Variants in GRM5 observed in about 807,000 individuals in gnomAD.
GRM5 encodes metabotropic glutamate receptor 5.
Under a neutral mutation model 83.1 loss-of-function variants are expected in GRM5, and 19 were observed. That is an observed-to-expected ratio of 0.23 (90% CI 0.16 to 0.34). The LOEUF (loss-of-function observed/expected upper bound fraction) is 0.34, where lower values mean the gene tolerates loss of function less well. GRM5 is among the 10% of genes least tolerant of loss of function. The pLI is 1.00. For synonymous variants in GRM5, 675 were observed against 633.6 expected, an observed-to-expected ratio of 1.07 and a Z score of -0.98; for missense variants, 1,160 against 1,588.3, an observed-to-expected ratio of 0.73 and a Z score of 4.58.
At chr11:88,831,331 C>T (rs1197226945) in intron 3 of GRM5, among the ~76,000 whole-genome samples, 1 of 152,198 alleles carries the variant, frequency 6.6e-6, no homozygotes, top group Admixed American at 6.5e-5. Flanking sequence ...TGAAGAAAGG[C>T]TATCTCACTT....
At chr11:88,971,458 G>C (rs1298772382) in intron 2 of GRM5, among the ~76,000 whole-genome samples, 1 of 152,004 alleles carries the variant, frequency 6.6e-6, no homozygotes, top group African/African-American at 2.4e-5. Context: ...GTAGGCCCCA[G>C]TGACTTTTTT....
intron 3 of GRM5, among the ~76,000 whole-genome samples, chr11:88,772,239 C>A (rs1942752793): frequency 1.3e-5 from 2 of 151,682 alleles, no homozygotes; most frequent in South Asian, 4.2e-4. Context: ...AAAATGAAAG[C>A]AAAAAAATGT....
At chr11:88,617,647 A>C (rs540557783) in intron 4 of GRM5, among the ~76,000 whole-genome samples, 2 of 152,310 alleles carry the variant, frequency 1.3e-5, no homozygotes, top group Admixed American at 1.3e-4. Context: ...GTGCAAAGGC[A>C]ACAGTGTCTG....
chr11:88,664,335 A>G (rs201703962), intron 3 of GRM5, among the ~76,000 whole-genome samples: 92 of 3,968 alleles, frequency 0.023, no homozygotes, highest in African/African-American at 0.026. Context: ...AAAAAACTGG[A>G]AAAAAAATGG....
rs144853965 is a variant in GRM5, at chr11:88,696,704, T to C, written c.912-43301A>G. ...TTATTTTTTAGCAGAATGGGTTTTA[T>C]AATGTTACCTATCTCATTGAATGGT... On this transcript the variant is annotated intron_variant, in intron 3 of 9. Transcript: ENST00000305447. 7.1e-4 allele frequency among the ~76,000 whole-genome samples: 108 copies of C among 152,348 alleles called. 1 individual carries two copies. In the Middle Eastern group the frequency reaches 0.031, roughly 43 times the overall value.
chr11:88,967,007 T>C (rs529868030), intron 2 of GRM5, among the ~76,000 whole-genome samples: 2 of 152,168 alleles, frequency 1.3e-5, no homozygotes, highest in East Asian at 3.9e-4. Flanking sequence ...GCAAAATGTA[T>C]GTGTGGAATT....
At chr11:88,600,038 A>T (rs1937934956) in intron 5 of GRM5, among the ~76,000 whole-genome samples, 1 of 152,098 alleles carries the variant, frequency 6.6e-6, no homozygotes, top group Admixed American at 6.6e-5. Flanking sequence ...GAAAACAGTA[A>T]TTCAGTGTGC....
chr11:88,899,063 T>C (rs1193315107), intron 2 of GRM5, among the ~76,000 whole-genome samples: 1 of 151,954 alleles, frequency 6.6e-6, no homozygotes, highest in Admixed American at 6.6e-5. Flanking sequence ...TTATTGTTAC[T>C]TGTCAGTTTC....
At chr11:88,661,222 A>G (rs1455088851) in intron 3 of GRM5, among the ~76,000 whole-genome samples, 1 of 152,198 alleles carries the variant, frequency 6.6e-6, no homozygotes, top group Admixed American at 6.6e-5. Context: ...AATACTCAAG[A>G]AATGTTTAAT....
chr11:88,766,539 C>T (rs1221122451), intron 3 of GRM5, among the ~76,000 whole-genome samples: 1 of 151,828 alleles, frequency 6.6e-6, no homozygotes, highest in Non-Finnish European at 1.5e-5. Context: ...CTTTACACCA[C>T]ACACAAAAAT....
chr11:89,039,146 T>C (rs1274452245), intron 2 of GRM5, among the ~76,000 whole-genome samples: 11 of 151,848 alleles, frequency 7.2e-5, no homozygotes, highest in African/African-American at 2.2e-4. Context: ...GCACCTGTAA[T>C]CCCAGCTACT....
At chr11:88,636,699 T>A (rs1332205783) in intron 4 of GRM5, among the ~76,000 whole-genome samples, 1 of 152,228 alleles carries the variant, frequency 6.6e-6, no homozygotes. Flanking sequence ...TAATGTATTA[T>A]AATTTTTAAA....
intron 2 of GRM5, among the ~76,000 whole-genome samples, chr11:88,942,467 A>G (rs1938146842): frequency 6.6e-6 from 1 of 152,048 alleles, no homozygotes; most frequent in African/African-American, 2.4e-5. Context: ...AGATAAGTGC[A>G]TCCATTCCTT....
intron 2 of GRM5, among the ~76,000 whole-genome samples, chr11:88,938,267 C>T (rs1937967660): frequency 6.6e-6 from 1 of 151,666 alleles, no homozygotes; most frequent in Non-Finnish European, 1.5e-5. Flanking sequence ...TTAGCCTTAT[C>T]ACATTTTACT....
At chr11:88,614,033 A>G (rs1054194117) in intron 4 of GRM5, among the ~76,000 whole-genome samples, 6 of 152,144 alleles carry the variant, frequency 3.9e-5, no homozygotes, top group Admixed American at 3.3e-4. Context: ...GGCCACACTT[A>G]TGTGCTTTAC....
intron 3 of GRM5, among the ~76,000 whole-genome samples, chr11:88,844,499 C>T (rs1012629412): frequency 1.3e-5 from 2 of 149,850 alleles, no homozygotes; most frequent in Non-Finnish European, 3.0e-5. Context: ...GTGTTGTTTA[C>T]ATGCCTGCTA....
chr11:89,000,511 A>C (rs1261112324), intron 2 of GRM5, among the ~76,000 whole-genome samples: 2 of 152,196 alleles, frequency 1.3e-5, no homozygotes, highest in African/African-American at 4.8e-5. Flanking sequence ...CAGTGGGCAA[A>C]GAAAAAAGAA....
chr11:88,590,308 C>G (rs1054149506), intron 7 of GRM5, among the ~76,000 whole-genome samples: 7 of 152,160 alleles, frequency 4.6e-5, no homozygotes, highest in Non-Finnish European at 1.0e-4. Flanking sequence ...AACTGGGACC[C>G]TATTTAGGAA....
chr11:88,804,111 T>C (rs937560203), intron 3 of GRM5, among the ~76,000 whole-genome samples: 1 of 152,074 alleles, frequency 6.6e-6, no homozygotes, highest in African/African-American at 2.4e-5. Flanking sequence ...GTTCAACCCT[T>C]GTGGAAGTCA....
Sources: allele counts gnomAD v4.1 joint callset (sites outside exome capture counted in the v4.1 genomes callset), GRCh38; gene constraint gnomAD v4.1.1; transcripts MANE v1.5; gene names NCBI Gene and HGNC (gene_info 2026-07-23, HGNC 2026-07-21).